TSPAN17: variants seen among roughly 807,000 people sequenced by gnomAD.
TSPAN17 encodes the protein tetraspanin 17, also known as tetraspanin-17.
In TSPAN17, 33 loss-of-function variants were observed where a neutral mutation model predicts 40.5. The observed-to-expected ratio is 0.81, with a 90% CI of 0.62 to 1.09. TSPAN17 has a LOEUF of 1.09. Ranked by LOEUF, TSPAN17 falls within the 50% of genes least tolerant of loss-of-function variation. The probability of loss-of-function intolerance (pLI) is 0.00; values close to 1 mark genes in which losing one functional copy is unlikely to be tolerated. For synonymous variants in TSPAN17, 166 were observed against 169.4 expected (o/e 0.98, Z 0.15); for missense variants, 365 against 416.8 (o/e 0.88, Z 1.08).
rs767962812 is a variant in TSPAN17, at chr5:176,651,733, T to A, written c.139-21T>A. 1 of 1,614,070 alleles carries A rather than the reference T, an allele frequency of 6.2e-7. No homozygotes were observed. Among genetic ancestry groups the A allele is most frequent in the Admixed American group, 1.7e-5 (1 of 60,022 alleles). ...GGTGGGAAGGTCAGCTCCCCACACC[T>A]GCCTCTGCTGCCCGGCACAGGGCGT... On this transcript the variant is annotated intron_variant, in intron 2 of 8. Coordinates refer to ENST00000508164, the MANE Select transcript of TSPAN17 (RefSeq NM_130465.5). The surrounding 1 kb of genome is among the most constrained non-coding windows in gnomAD (Gnocchi z 4.5).
chr5:176,650,366 C>A lies in TSPAN17; in HGVS notation c.88-1250C>A, dbSNP rs1313590271. ...CCTGCTGGAGGCTGAGAGCTCACTTCCCAGCTGTTTTCCCAAAGTGCTTTA... is the reference window on the plus strand; with the variant it reads ...CCTGCTGGAGGCTGAGAGCTCACTTACCAGCTGTTTTCCCAAAGTGCTTTA... On this transcript the variant is annotated intron_variant, in intron 1 of 8. Coordinates refer to ENST00000508164, the MANE Select transcript of TSPAN17 (RefSeq NM_130465.5). The surrounding 1 kb of genome is among the most constrained non-coding windows in gnomAD (Gnocchi z 4.0). 6.6e-6 allele frequency among the ~76,000 whole-genome samples: 1 copy of A among 152,180 alleles called. No homozygotes were observed. Among genetic ancestry groups the A allele is most frequent in the African/African-American group, 2.4e-5 (1 of 41,442 alleles).
chr5:176,651,888 C>T lies in TSPAN17; in HGVS notation c.273C>T (p.Phe91=), dbSNP rs1760980593. 1 of 1,614,046 alleles carries T rather than the reference C, an allele frequency of 6.2e-7. No homozygotes were observed. The highest frequency in any genetic ancestry group is 8.5e-7 in the Non-Finnish European group (1 of 1,180,006). The part of the protein sequence containing the change: ...GCIGALRENT[F]LLKFFSVFLG... ...TTGGGGCCCTCCGGGAGAACACCTTCCTGCTCAAGTTTGTGAGTGCTGCCC... is the reference window on the plus strand; with the variant it reads ...TTGGGGCCCTCCGGGAGAACACCTTTCTGCTCAAGTTTGTGAGTGCTGCCC... Residue 91 remains phenylalanine, a synonymous_variant, in exon 3 of 9, where the codon TTC becomes TTT. Coordinates refer to ENST00000508164, the MANE Select transcript of TSPAN17 (RefSeq NM_130465.5). The surrounding 1 kb of genome is among the most constrained non-coding windows in gnomAD (Gnocchi z 4.5).
intron 1 of TSPAN17, among the ~76,000 whole-genome samples, chr5:176,648,007 G>A (rs1406223797): frequency 6.6e-6 from 1 of 152,186 alleles, no homozygotes; most frequent in Non-Finnish European, 1.5e-5. Flanking sequence ...CGTGCTAGGT[G>A]CAGGTTGCCC....
At position 176,647,734 on chromosome 5, in the gene TSPAN17, T is replaced by TG. The variant is rs779038875; in HGVS notation, c.87+38dup. On this transcript the variant is annotated intron_variant, in intron 1 of 8. Coordinates refer to ENST00000508164, the MANE Select transcript of TSPAN17 (RefSeq NM_130465.5). The stretch of plus-strand genomic sequence containing the variant: ...GCGGGGTCTGCGCCTTGCCCTGTGC[T>TG]GGGGGGTGGTGGGAGAGGGAGATTC... 5.2e-6 allele frequency: 8 copies of TG among 1,542,050 alleles called. No homozygotes were observed. In the East Asian group the frequency reaches 2.0e-4, roughly 38 times the overall value.
chr5:176,657,855 T>C lies in TSPAN17; in HGVS notation c.*157T>C. On this transcript the variant is annotated 3_prime_UTR_variant, in exon 9 of 9. Transcript: ENST00000508164. ...TCACCTAAGTGCCGCCTGACCCTTG[T>C]ACACTAGGAGCTGGCCTCCCACCTC... The C allele has an allele frequency of 7.4e-7, 1 of 1,350,550 alleles. No individual in the cohort carries two copies. Among genetic ancestry groups the C allele is most frequent in the South Asian group, 1.6e-5 (1 of 63,076 alleles). The allele number at this position is 1,350,550 out of a possible 1,614,324, so 83.7% of individuals were successfully genotyped here.
chr5:176,652,263 C>A (rs1561916660), intron 3 of TSPAN17, among the ~76,000 whole-genome samples: 1 of 152,210 alleles, frequency 6.6e-6, no homozygotes, highest in Non-Finnish European at 1.5e-5. Flanking sequence ...AGCCGGCTTC[C>A]CCATGCCCTC....
rs150851795 is a variant in TSPAN17, at chr5:176,657,584, G to A, written c.876G>A (p.Thr292=). ...LTPTISEVLS[T]AGPQQNSLTG... ...CCACCATTTCCGAGGTCCTGTCCAC[G>A]GCGGGGCCTCAGCAGAACTCTCTGA... Residue 292 remains threonine (T), a synonymous_variant, in exon 9 of 9, where the codon ACG becomes ACA. Transcript: ENST00000508164. 762 of 1,613,706 alleles carry A rather than the reference G, an allele frequency of 4.7e-4. 1 individual carries two copies. Among genetic ancestry groups the A allele is most frequent in the Non-Finnish European group, 5.7e-4 (670 of 1,179,778 alleles).
At chr5:176,657,041 A>G in intron 8 of TSPAN17, 85 bp downstream of exon 8, 1 of 1,364,070 alleles carries the variant, frequency 7.3e-7, no homozygotes. Flanking sequence ...TATACTCCTG[A>G]CGGGCAAGGC....
Position 176,647,609 on chromosome 5 carries a change from G to A in TSPAN17, c.-7G>A, listed in dbSNP as rs1317157483. ...CCGGTTTCCGGGCCGGCGGGTGGCCGCTCACCATGCCCGGCAAGCACCAGC... is the reference window on the plus strand; with the variant it reads ...CCGGTTTCCGGGCCGGCGGGTGGCCACTCACCATGCCCGGCAAGCACCAGC... On this transcript the variant is annotated 5_prime_UTR_variant, in exon 1 of 9. Coordinates refer to ENST00000508164, the MANE Select transcript of TSPAN17 (RefSeq NM_130465.5). 12 of 1,557,254 alleles carry A rather than the reference G, an allele frequency of 7.7e-6. No individual in the cohort carries two copies. The African/African-American group carries it at 8.2e-5, about 11-fold the overall frequency.
chr5:176,658,256 G>A lies in TSPAN17; in HGVS notation c.*558G>A, dbSNP rs1287103108. On this transcript the variant is annotated 3_prime_UTR_variant, in exon 9 of 9. Transcript: ENST00000508164. ...GGCTTCCTCCCGCAACCTCACTCTA[G>A]TAGAGCCTGTGCCTGCCTACTAGCG... The A allele has an allele frequency of 6.6e-6, 1 of 152,532 alleles. No homozygotes were observed. The highest frequency in any genetic ancestry group is 2.4e-5 in the African/African-American group (1 of 41,448). The allele number at this position is 152,532 out of a possible 1,614,324, so 9.4% of individuals were successfully genotyped here. A position where few individuals can be genotyped will look rare whatever the true frequency, so the allele number is the denominator to read the frequency against.
chr5:176,655,029 G>T lies in TSPAN17; in HGVS notation c.582+9G>T, dbSNP rs1475194795. 1 of 1,596,798 alleles carries T rather than the reference G, an allele frequency of 6.3e-7. No homozygotes were observed. The highest frequency in any genetic ancestry group is 8.5e-7 in the Non-Finnish European group (1 of 1,171,350). ...GCGTCAGGGACCCTGCGGTGAGTGG[G>T]GCTGGGGGAGGAGAGGTAAGGGACT... On this transcript the variant is annotated intron_variant, in intron 5 of 8. Coordinates refer to ENST00000508164, the MANE Select transcript of TSPAN17 (RefSeq NM_130465.5).
chr5:176,649,159 G>A (rs967304728), intron 1 of TSPAN17, among the ~76,000 whole-genome samples: 8 of 152,100 alleles, frequency 5.3e-5, no homozygotes, highest in Non-Finnish European at 1.0e-4. Flanking sequence ...GGGTGGATGA[G>A]GGGCAGGGCC....
intron 4 of TSPAN17, 53 bp downstream of exon 4, chr5:176,652,966 C>G: frequency 6.3e-7 from 1 of 1,588,076 alleles, no homozygotes; most frequent in Admixed American, 1.7e-5. Flanking sequence ...TCCTGGCAGA[C>G]GAATGAGGGA....
In TSPAN17 at chr5:176,657,783, G is replaced by C. The variant is rs1335725465; in HGVS notation, c.*85G>C. The C allele has an allele frequency of 2.0e-6, 3 of 1,514,470 alleles. No homozygotes were observed. Among genetic ancestry groups the C allele is most frequent in the Non-Finnish European group, 2.6e-6 (3 of 1,135,716 alleles). The allele number at this position is 1,514,470 out of a possible 1,614,324, so 93.8% of individuals were successfully genotyped here. ...GGCTCTTCGGTGGCAACACTACCTG[G>C]GACACTGCCTCCCCAGTCACCAAGG... On this transcript the variant is annotated 3_prime_UTR_variant, in exon 9 of 9. Coordinates refer to ENST00000508164, the MANE Select transcript of TSPAN17 (RefSeq NM_130465.5).
chr5:176,657,398 G>A (rs1761201163), intron 8 of TSPAN17, 120 bp from the exon 9 acceptor site: 1 of 1,498,366 alleles, frequency 6.7e-7, no homozygotes, highest in African/African-American at 1.4e-5. Context: ...GCCTCACACA[G>A]CTTCAGAGCA....
In TSPAN17 at chr5:176,650,599, C is replaced by T. The variant is rs1484261441; in HGVS notation, c.88-1017C>T. On this transcript the variant is annotated intron_variant, in intron 1 of 8. Transcript: ENST00000508164. This position sits in a 1 kb window ranked among gnomAD's most constrained non-coding sequence, Gnocchi z 4.0. The stretch of plus-strand genomic sequence containing the variant: ...GCAGGAGAAGTGATGTTTGGTTTCA[C>T]ATCAGCAGACCCAGCAGGCAGGAGG... Among the ~76,000 whole-genome samples, 9 of 152,180 alleles carry T rather than the reference C, an allele frequency of 5.9e-5. No individual in the cohort carries two copies. The South Asian group carries it at 1.0e-3, about 17-fold the overall frequency.
At chr5:176,649,735 C>G (rs770493978) in intron 1 of TSPAN17, among the ~76,000 whole-genome samples, 1 of 152,172 alleles carries the variant, frequency 6.6e-6, no homozygotes, top group Non-Finnish European at 1.5e-5. Context: ...CCATCCTGCT[C>G]GTGGTTTCTT....
At chr5:176,655,138 G>C in intron 5 of TSPAN17, 118 bp downstream of exon 5, 1 of 1,319,376 alleles carries the variant, frequency 7.6e-7, no homozygotes, top group South Asian at 1.5e-5. Context: ...GCTGGGGGAC[G>C]TCATTTTACA....
In TSPAN17 at chr5:176,647,508, G is replaced by T; in HGVS notation, c.-108G>T. 1.3e-6 allele frequency: 1 copy of T among 793,908 alleles called. No individual in the cohort carries two copies. Among genetic ancestry groups the T allele is most frequent in the Non-Finnish European group, 1.8e-6 (1 of 566,324 alleles). 49.2% of individuals were successfully genotyped at this position (793,908 alleles called of 1,614,324 possible). On this transcript the variant is annotated 5_prime_UTR_variant, in exon 1 of 9. Coordinates refer to ENST00000508164, the MANE Select transcript of TSPAN17 (RefSeq NM_130465.5). ...CGCTCTGTGTGGCCGAGGCCATGAA[G>T]CCGCAGCCGCCCGGCTAGGCCCCGG... is the stretch of plus-strand genomic sequence containing the variant.
Sources: allele counts gnomAD v4.1 joint callset (sites outside exome capture counted in the v4.1 genomes callset), GRCh38; gene constraint gnomAD v4.1.1; non-coding constraint Gnocchi (gnomAD v3.1); transcripts MANE v1.5; gene names NCBI Gene and HGNC (gene_info 2026-07-23, HGNC 2026-07-21).